Variants in KDM4C observed in about 807,000 individuals in gnomAD.
The protein encoded by KDM4C is lysine demethylase 4C.
Under a neutral mutation model 129.3 loss-of-function variants are expected in KDM4C, and 81 were observed. That is an observed-to-expected ratio of 0.63 (90% confidence interval 0.52 to 0.75). KDM4C has a LOEUF of 0.75. KDM4C is among the 30% of genes least tolerant of loss of function. KDM4C has a pLI of 0.00. For synonymous variants in KDM4C, 573 were observed against 456.1 expected (o/e 1.26, Z -3.26); for missense variants, 1,457 against 1,304.0 (o/e 1.12, Z -1.81).
chr9:7,043,588 A>T (rs1342405203), intron 15 of KDM4C, among the ~76,000 whole-genome samples: 2 of 152,024 alleles, frequency 1.3e-5, no homozygotes, highest in Non-Finnish European at 2.9e-5. Context: ...ACAGGTTGGC[A>T]TCTTTATGTT....
intron 19 of KDM4C, among the ~76,000 whole-genome samples, chr9:7,134,878 C>T (rs1841023887): frequency 6.6e-6 from 1 of 152,210 alleles, no homozygotes; most frequent in South Asian, 2.1e-4. Context: ...TTTGATTCAT[C>T]AACTCTGTAA....
intron 4 of KDM4C, among the ~76,000 whole-genome samples, chr9:6,816,668 A>G (rs970429174): frequency 6.6e-6 from 1 of 152,150 alleles, no homozygotes; most frequent in Admixed American, 6.5e-5. Context: ...CCTTTGCCCC[A>G]CATCCTCCCT....
chr9:7,141,096 T>G (rs1841694776), intron 19 of KDM4C, among the ~76,000 whole-genome samples: 1 of 152,224 alleles, frequency 6.6e-6, no homozygotes, highest in Admixed American at 6.5e-5. Context: ...GGAAGCCCCC[T>G]TGGACTATCT....
chr9:6,748,855 T>G, intron 1 of KDM4C: 1 of 1,071,450 alleles, frequency 9.3e-7, no homozygotes, highest in East Asian at 2.4e-5. Context: ...CAGCCTTCTA[T>G]CTGCATATTC....
intron 4 of KDM4C, among the ~76,000 whole-genome samples, chr9:6,820,234 C>A (rs112264393): frequency 1.3e-5 from 2 of 151,986 alleles, no homozygotes; most frequent in Non-Finnish European, 2.9e-5. Context: ...GGAGTGGGGA[C>A]GACATCTGAA....
intron 5 of KDM4C, among the ~76,000 whole-genome samples, chr9:6,854,785 A>T (rs1329328707): frequency 6.6e-6 from 1 of 152,240 alleles, no homozygotes; most frequent in Non-Finnish European, 1.5e-5. Context: ...ATAGATACAC[A>T]TTAGTTCAAT....
chr9:6,880,732 C>T (rs1030905847), intron 6 of KDM4C, among the ~76,000 whole-genome samples: 1 of 152,186 alleles, frequency 6.6e-6, no homozygotes, highest in South Asian at 2.1e-4. Context: ...TATTGATGAT[C>T]CTGTGCCTGC....
intron 9 of KDM4C, 41 bp from the exon 10 acceptor site, chr9:6,984,125 T>C: frequency 7.7e-7 from 1 of 1,299,742 alleles, no homozygotes; most frequent in South Asian, 1.2e-5. Context: ...TCATATCCAT[T>C]GCAGACATCC....
At chr9:6,789,918 T>G (rs1826203805) in intron 1 of KDM4C, among the ~76,000 whole-genome samples, 2 of 151,964 alleles carry the variant, frequency 1.3e-5, no homozygotes, top group Admixed American at 1.3e-4. Context: ...TAAAGGGTGG[T>G]GAGGTTTAAA....
At chr9:6,742,315 G>A (rs1468743023) in intron 1 of KDM4C, among the ~76,000 whole-genome samples, 1 of 151,946 alleles carries the variant, frequency 6.6e-6, no homozygotes, top group East Asian at 1.9e-4. Context: ...TCTTTCCCTG[G>A]CTATTTTCAA....
chr9:6,975,567 A>G (rs937409809), intron 8 of KDM4C, among the ~76,000 whole-genome samples: 2 of 152,118 alleles, frequency 1.3e-5, no homozygotes, highest in South Asian at 4.1e-4. Context: ...GTTTCTTCAT[A>G]TATTTTTTTA....
chr9:6,907,135 G>C (rs1046485112), intron 8 of KDM4C, among the ~76,000 whole-genome samples: 1 of 152,184 alleles, frequency 6.6e-6, no homozygotes, highest in African/African-American at 2.4e-5. Flanking sequence ...ACAGCAGGGT[G>C]TATGTATTGA....
intron 17 of KDM4C, among the ~76,000 whole-genome samples, chr9:7,083,846 C>G (rs1346734138): frequency 6.6e-6 from 1 of 151,814 alleles, no homozygotes; most frequent in Non-Finnish European, 1.5e-5. Context: ...GAGGTTGTGT[C>G]CACTGTAACT....
At chr9:7,172,498 C>A (rs913587) in intron 21 of KDM4C, among the ~76,000 whole-genome samples, 66,170 of 152,100 alleles carry the variant, frequency 0.44, 14,480 homozygotes, top group South Asian at 0.49. Flanking sequence ...AGCACTTACA[C>A]AAGTGAAAGA....
At chr9:6,947,149 A>G (rs573355694) in intron 8 of KDM4C, among the ~76,000 whole-genome samples, 2 of 152,308 alleles carry the variant, frequency 1.3e-5, no homozygotes, top group South Asian at 4.1e-4. Context: ...AGGTGTTTAC[A>G]TTCACTTGCG....
Position 6,909,080 on chromosome 9 carries a change from A to T in KDM4C, c.921+15848A>T, listed in dbSNP as rs1818826449. 3.3e-5 allele frequency among the ~76,000 whole-genome samples: 5 copies of T among 152,244 alleles called. No homozygotes were observed. The South Asian group carries it at 1.0e-3, about 31-fold the overall frequency. ...GCCCCAGGAACTTTTTAAAAAATTG[A>T]TTTCTTTCTTTTGAAAATAAAACAA... On this transcript the variant is annotated intron_variant, in intron 8 of 21. Transcript: ENST00000381309.
intron 12 of KDM4C, among the ~76,000 whole-genome samples, chr9:6,991,129 T>C (rs2025325): frequency 0.83 from 126,929 of 152,044 alleles, 53,546 homozygotes; most frequent in Non-Finnish European, 0.89. Context: ...CATGCTGGAG[T>C]GCAGTGGAGG....
intron 19 of KDM4C, among the ~76,000 whole-genome samples, chr9:7,160,058 T>A (rs982987534): frequency 1.3e-5 from 2 of 152,214 alleles, no homozygotes; most frequent in African/African-American, 4.8e-5. Context: ...TGACCTTGTC[T>A]TCTCACTTAA....
intron 12 of KDM4C, among the ~76,000 whole-genome samples, chr9:6,991,115 T>TA (rs1194646628): frequency 2.0e-5 from 3 of 152,116 alleles, no homozygotes; most frequent in Non-Finnish European, 1.5e-5. Flanking sequence ...CTCGCTCTGT[T>TA]ATTCATGCTG....
Sources: gnomAD v4.1 joint callset for allele counts (sites outside exome capture counted in the v4.1 genomes callset) on GRCh38, gnomAD v4.1.1 for gene constraint, MANE v1.5 for transcripts, NCBI Gene and HGNC (gene_info 2026-07-23, HGNC 2026-07-21) for gene names.